Variants in DROSHA observed in about 807,000 individuals in gnomAD.
The protein encoded by DROSHA is ribonuclease 3.
Under a neutral mutation model 181.9 loss-of-function variants are expected in DROSHA, and 56 were observed. The observed-to-expected ratio is 0.31, with a 90% CI of 0.25 to 0.38. The LOEUF (loss-of-function observed/expected upper bound fraction) is 0.38. Ranked by LOEUF, DROSHA falls within the 10% of genes least tolerant of loss-of-function variation. The probability of loss-of-function intolerance (pLI) is 1.00; values close to 1 mark genes in which losing one functional copy is unlikely to be tolerated. For missense variants in DROSHA, 1,218 were observed against 1,743.5 expected (o/e 0.70, Z 5.37); for synonymous variants, 524 against 591.2 (o/e 0.89, Z 1.65).
In DROSHA at chr5:31,424,455, C is replaced by T. The variant is rs1426653546; in HGVS notation, c.3233G>A (p.Trp1078Ter). The T allele has an allele frequency of 6.3e-7, 1 of 1,597,274 alleles. No homozygotes were observed. The highest frequency in any genetic ancestry group is 1.1e-5 in the South Asian group (1 of 87,468). Reference protein sequence around the residue: ...LFNDPDLREVWLNYPLHPLQL... With the variant: ...LFNDPDLREV ...GAGTGGGTGGAGAGGATAATTGAGCCAGACTTCGCGCAGGTCCTGGAAAAT... is the reference window on the plus strand; with the variant it reads ...GAGTGGGTGGAGAGGATAATTGAGCTAGACTTCGCGCAGGTCCTGGAAAAT... Residue 1078 changes from tryptophan (W) to a stop codon, truncating the protein, a stop_gained, in exon 28 of 36, where the codon TGG becomes TAG. Transcript: ENST00000344624. LOFTEE classifies it high-confidence loss of function.
intron 6 of DROSHA, among the ~76,000 whole-genome samples, chr5:31,519,320 A>C (rs1254641451): frequency 6.6e-6 from 1 of 151,962 alleles, no homozygotes; most frequent in Non-Finnish European, 1.5e-5. Flanking sequence ...CCTCCTCCTC[A>C]GGCCCTCTTG....
In DROSHA at chr5:31,526,471, G is replaced by A; in HGVS notation, c.462C>T (p.Pro154=). The change falls in exon 5 of 36, where the codon CCC becomes CCT. Residue 154 remains proline, a synonymous_variant. Transcript: ENST00000344624. ...FMMPPPSMPH[P]PPPPVMPQQV... The stretch of plus-strand genomic sequence containing the variant: ...GCTGCGGCATGACTGGAGGGGGCGG[G>A]GGATGAGGCATGGAGGGAGGGGGCA... 1 of 1,608,662 alleles carries A rather than the reference G, an allele frequency of 6.2e-7. No individual in the cohort carries two copies. The highest frequency in any genetic ancestry group is 2.2e-5 in the East Asian group (1 of 44,794).
chr5:31,500,748 A>G (rs991187307), intron 11 of DROSHA, among the ~76,000 whole-genome samples: 5 of 152,186 alleles, frequency 3.3e-5, no homozygotes, highest in African/African-American at 1.2e-4. Context: ...GGGATGACAG[A>G]ATCCTGAAAC....
intron 30 of DROSHA, among the ~76,000 whole-genome samples, chr5:31,416,463 A>C (rs1046910717): frequency 6.6e-6 from 1 of 152,206 alleles, no homozygotes; most frequent in African/African-American, 2.4e-5. Flanking sequence ...GCTCTCAAAG[A>C]ACTTCTAGTC....
rs759498109 is a variant in DROSHA, at chr5:31,493,231, CAT to C, written c.1816_1817del (p.Met606ValfsTer13). The C allele has an allele frequency of 3.7e-6, 6 of 1,606,738 alleles. No homozygotes were observed. Among genetic ancestry groups the C allele is most frequent in the Non-Finnish European group, 5.1e-6 (6 of 1,177,006 alleles). On this transcript the variant is annotated frameshift_variant, in exon 13 of 36. Transcript: ENST00000344624. LOFTEE classifies it high-confidence loss of function. ...CATTGGTCAGGGGGGCATGTGCAAA[CAT>C]AGAAAATCCTTCAAAGATATACTCG... ...DHEYIFEGFS[M>X]FAHAPLTNIP...
At chr5:31,455,675 C>T (rs1427805358) in intron 20 of DROSHA, among the ~76,000 whole-genome samples, 2 of 148,186 alleles carry the variant, frequency 1.3e-5, no homozygotes, top group Non-Finnish European at 1.5e-5. Flanking sequence ...GGGTCTCACT[C>T]TGTTACCCAG....
chr5:31,461,110 G>A (rs527367539), intron 20 of DROSHA, among the ~76,000 whole-genome samples: 20 of 152,110 alleles, frequency 1.3e-4, no homozygotes, highest in Non-Finnish European at 2.4e-4. Flanking sequence ...CTAAAAATAC[G>A]ACCAAAACAG....
intron 16 of DROSHA, among the ~76,000 whole-genome samples, chr5:31,482,696 T>C (rs916834743): frequency 6.6e-6 from 1 of 152,064 alleles, no homozygotes; most frequent in Non-Finnish European, 1.5e-5. Context: ...TCACAGCATT[T>C]GATAAAGCAG....
chr5:31,525,041 A>C (rs1191355603), intron 5 of DROSHA, among the ~76,000 whole-genome samples: 1 of 151,888 alleles, frequency 6.6e-6, no homozygotes, highest in Non-Finnish European at 1.5e-5. Flanking sequence ...CTAAAAATAC[A>C]AAAATTAGGC....
chr5:31,529,664 G>T (rs1480936127), intron 3 of DROSHA, among the ~76,000 whole-genome samples: 1 of 151,306 alleles, frequency 6.6e-6, no homozygotes, highest in Non-Finnish European at 1.5e-5. Flanking sequence ...GAACCTGGGA[G>T]GCAGAGCTTG....
At chr5:31,413,052 T>C (rs1035716072) in intron 30 of DROSHA, among the ~76,000 whole-genome samples, 1 of 152,152 alleles carries the variant, frequency 6.6e-6, no homozygotes, top group African/African-American at 2.4e-5. Flanking sequence ...AACGCACACA[T>C]GAGCACACAC....
chr5:31,446,071 G>C lies in DROSHA; in HGVS notation c.2882+2476C>G, dbSNP rs942645857. ...TAGACCTAATGAACAGGAGCAACAA[G>C]GTTGGAGGTCATAAAACCAATACAC... On this transcript the variant is annotated intron_variant, in intron 23 of 35. Coordinates refer to ENST00000344624, the MANE Select transcript of DROSHA (RefSeq NM_001382508.1). Among the ~76,000 whole-genome samples the C allele has an allele frequency of 5.3e-5, 8 of 152,308 alleles. No homozygotes were observed. The East Asian group carries it at 9.6e-4, about 18-fold the overall frequency.
chr5:31,517,567 A>G (rs779289777), intron 6 of DROSHA, among the ~76,000 whole-genome samples: 2 of 152,164 alleles, frequency 1.3e-5, no homozygotes, highest in African/African-American at 2.4e-5. Context: ...TTACATATTT[A>G]TTAGATGTAC....
intron 5 of DROSHA, among the ~76,000 whole-genome samples, chr5:31,522,465 C>G (rs995204712): frequency 1.3e-5 from 2 of 151,746 alleles, no homozygotes; most frequent in African/African-American, 4.8e-5. Context: ...TTTTTTTTTA[C>G]CATATAGCCA....
intron 21 of DROSHA, among the ~76,000 whole-genome samples, chr5:31,450,190 A>T (rs1746803407): frequency 6.6e-6 from 1 of 152,226 alleles, no homozygotes; most frequent in South Asian, 2.1e-4. Context: ...GGTGTGATGC[A>T]GTGAAAAGGG....
chr5:31,434,397 T>A (rs1744550063), intron 25 of DROSHA, among the ~76,000 whole-genome samples: 1 of 152,218 alleles, frequency 6.6e-6, no homozygotes, highest in Non-Finnish European at 1.5e-5. Context: ...AACCAAACAC[T>A]TAAGCAGTTT....
At chr5:31,465,688 G>T (rs1748915847) in intron 19 of DROSHA, among the ~76,000 whole-genome samples, 1 of 152,114 alleles carries the variant, frequency 6.6e-6, no homozygotes, top group Non-Finnish European at 1.5e-5. Flanking sequence ...GATCCCTCAA[G>T]AATAGCTTGG....
chr5:31,425,318 A>AAAAT, intron 27 of DROSHA, among the ~76,000 whole-genome samples: 1 of 152,328 alleles, frequency 6.6e-6, no homozygotes, highest in Non-Finnish European at 1.5e-5. Context: ...ATATCTTAAT[A>AAAAT]AAATACACTC....
intron 33 of DROSHA, among the ~76,000 whole-genome samples, chr5:31,407,775 C>T (rs529840981): frequency 9.5e-4 from 145 of 152,132 alleles, no homozygotes; most frequent in Non-Finnish European, 1.7e-3. Flanking sequence ...TGAATGTGCA[C>T]GAGTGGCTTC....
Sources: allele counts gnomAD v4.1 joint callset (sites outside exome capture counted in the v4.1 genomes callset), GRCh38; gene constraint gnomAD v4.1.1; transcripts MANE v1.5; gene names NCBI Gene and HGNC (gene_info 2026-07-23, HGNC 2026-07-21).